Variants in CLEC4C observed in about 807,000 individuals in gnomAD.
The protein encoded by CLEC4C is C-type lectin domain family 4 member C.
Under a neutral mutation model 27.7 loss-of-function variants are expected in CLEC4C, and 17 were observed. The ratio of observed to expected loss-of-function variants is 0.61; its 90% confidence interval spans 0.42 to 0.92. The LOEUF is 0.92. Among genes scored for constraint, CLEC4C ranks in the 40% least tolerant of loss-of-function variants. The pLI is 0.00. For synonymous variants in CLEC4C, 80 were observed against 80.8 expected, an observed-to-expected ratio of 0.99 and a Z score of 0.06; for missense variants, 244 against 257.3, an observed-to-expected ratio of 0.95 and a Z score of 0.35.
intron 4 of CLEC4C, among the ~76,000 whole-genome samples, chr12:7,734,747 C>A (rs766777416): frequency 6.6e-6 from 1 of 151,876 alleles, no homozygotes; most frequent in East Asian, 2.0e-4. Context: ...AGGGTTTCGC[C>A]ATGTTGGCCA....
intron 2 of CLEC4C, among the ~76,000 whole-genome samples, 185 bp from the exon 3 acceptor site, chr12:7,741,716 C>T (rs1864860548): frequency 6.6e-6 from 1 of 151,838 alleles, no homozygotes; most frequent in African/African-American, 2.4e-5. Context: ...GGTGAAACCC[C>T]GTCTCCACCA....
chr12:7,731,510 A>G (rs183145448), intron 4 of CLEC4C, among the ~76,000 whole-genome samples: 1 of 152,258 alleles, frequency 6.6e-6, no homozygotes, highest in East Asian at 1.9e-4. Flanking sequence ...AATTCTTACA[A>G]TAGCCTTTAG....
chr12:7,747,162 A>G lies in CLEC4C; in HGVS notation c.31+156T>C, dbSNP rs758278992. 2.0e-4 allele frequency among the ~76,000 whole-genome samples: 31 copies of G among 152,120 alleles called. 1 individual carries two copies. Among genetic ancestry groups the G allele is most frequent in the Middle Eastern group, 3.4e-3 (1 of 294 alleles). ...TCTTTCATCTTTCCCTGATCCAAGT[A>G]TCTTGGGTCCATACCTGTTTCCATA... On this transcript the variant is annotated intron_variant, in intron 1 of 5. Coordinates refer to ENST00000360345, the MANE Select transcript of CLEC4C (RefSeq NM_001371390.1).
At chr12:7,747,632 C>CTTTTTTTT (rs201227947), upstream of CLEC4C, 4 of 88,436 alleles carry the variant, frequency 4.5e-5, no homozygotes, top group African/African-American at 9.0e-5. Context: ...GTCTGATTGT[C>CTTTTTTTT]TTTTTTTTTT....
chr12:7,742,520 A>G (rs1405672461), intron 2 of CLEC4C, among the ~76,000 whole-genome samples: 1 of 150,962 alleles, frequency 6.6e-6, no homozygotes, highest in Non-Finnish European at 1.5e-5. Flanking sequence ...CGAAAAAAAA[A>G]AAAAAAAGCC....
intron 4 of CLEC4C, among the ~76,000 whole-genome samples, chr12:7,737,000 G>C (rs763392164): frequency 2.0e-5 from 3 of 152,280 alleles, no homozygotes; most frequent in Admixed American, 2.0e-4. Context: ...AGAGGCCGAG[G>C]CAGGTGGATC....
In CLEC4C at chr12:7,729,553, G is replaced by T. The variant is rs186571058; in HGVS notation, c.*43C>A. 12 of 1,583,470 alleles carry T rather than the reference G, an allele frequency of 7.6e-6. No homozygotes were observed. The African/African-American group carries it at 1.2e-4, about 16-fold the overall frequency. ...AAAAATCAATTTAGCTTTCTACAAC[G>T]GTGGATGCCAACCCAAACACATTTC... On this transcript the variant is annotated 3_prime_UTR_variant, in exon 6 of 6. Coordinates refer to ENST00000360345, the MANE Select transcript of CLEC4C (RefSeq NM_001371390.1).
At chr12:7,738,631 TG>T (rs1292980778) in intron 3 of CLEC4C, among the ~76,000 whole-genome samples, 2 of 152,176 alleles carry the variant, frequency 1.3e-5, no homozygotes, top group East Asian at 3.9e-4. Context: ...CCCAAGTAGC[TG>T]GAACCACAGG....
chr12:7,737,290 G>A, intron 4 of CLEC4C, 139 bp downstream of exon 4: 1 of 689,500 alleles, frequency 1.5e-6, no homozygotes, highest in South Asian at 3.2e-5. Context: ...ATTTTCCTGT[G>A]TTTTTTGTTT....
intron 3 of CLEC4C, 23 bp downstream of exon 3, chr12:7,741,398 T>G (rs761661143): frequency 4.8e-6 from 6 of 1,250,126 alleles, no homozygotes; most frequent in Non-Finnish European, 7.1e-6. Flanking sequence ...AGGGAAGTCT[T>G]GTTGCCCATT....
At chr12:7,740,306 A>G (rs1864824117) in intron 3 of CLEC4C, among the ~76,000 whole-genome samples, 1 of 152,004 alleles carries the variant, frequency 6.6e-6, no homozygotes, top group African/African-American at 2.4e-5. Context: ...AATCCTGTGT[A>G]TATTTATTTT....
At chr12:7,741,294 ATAGT>A in intron 3 of CLEC4C, 123 bp downstream of exon 3, 1 of 631,754 alleles carries the variant, frequency 1.6e-6, no homozygotes, top group Non-Finnish European at 2.9e-6. Flanking sequence ...TACCAAGTAG[ATAGT>A]TAAAGAATGC....
intron 4 of CLEC4C, among the ~76,000 whole-genome samples, chr12:7,736,169 G>C (rs1397199920): frequency 1.3e-5 from 2 of 152,102 alleles, no homozygotes; most frequent in Non-Finnish European, 2.9e-5. Context: ...TGGAGTCCCA[G>C]TTACTCGGGA....
At chr12:7,733,975 C>T (rs988780885) in intron 4 of CLEC4C, among the ~76,000 whole-genome samples, 9 of 150,904 alleles carry the variant, frequency 6.0e-5, no homozygotes, top group African/African-American at 2.2e-4. Flanking sequence ...TCACTGCAAC[C>T]TCTACCTCCC....
intron 3 of CLEC4C, among the ~76,000 whole-genome samples, chr12:7,738,699 G>C (rs960246428): frequency 6.6e-6 from 1 of 152,022 alleles, no homozygotes; most frequent in Non-Finnish European, 1.5e-5. Flanking sequence ...ACAGAGTCTT[G>C]CTTCGTTGCC....
chr12:7,746,564 G>A lies in CLEC4C; in HGVS notation c.32-141C>T, dbSNP rs1282838542. ...AACAGAAAAAATGTGAAAGCAAAAA[G>A]AGATTATAGAAATTATCTCAGAACA... On this transcript the variant is annotated intron_variant, in intron 1 of 5. Coordinates refer to ENST00000360345, the MANE Select transcript of CLEC4C (RefSeq NM_001371390.1). 3.0e-5 allele frequency: 18 copies of A among 601,268 alleles called. No homozygotes were observed. The East Asian group carries it at 5.1e-4, about 17-fold the overall frequency. The allele number at this position is 601,268 out of a possible 1,614,324, so 37.2% of individuals were successfully genotyped here. A position where few individuals can be genotyped will look rare whatever the true frequency, so the allele number is the denominator to read the frequency against.
intron 2 of CLEC4C, 139 bp downstream of exon 2, chr12:7,746,192 C>A: frequency 1.8e-6 from 1 of 567,036 alleles, no homozygotes; most frequent in Non-Finnish European, 3.0e-6. Context: ...CCATCCTGGG[C>A]GACAGAGCGA....
intron 3 of CLEC4C, among the ~76,000 whole-genome samples, chr12:7,740,864 G>A (rs1007996653): frequency 4.1e-5 from 6 of 146,572 alleles, no homozygotes; most frequent in East Asian, 4.1e-4. Context: ...TTTTTGAGAC[G>A]GAGTCTCGCT....
upstream of CLEC4C, chr12:7,749,217 G>C (rs967550399): frequency 2.0e-5 from 3 of 152,358 alleles, no homozygotes; most frequent in Admixed American, 6.6e-5. Context: ...AAGAGGGTGA[G>C]GTGGCCCCTT....
Sources: allele counts gnomAD v4.1 joint callset (sites outside exome capture counted in the v4.1 genomes callset), GRCh38; gene constraint gnomAD v4.1.1; transcripts MANE v1.5; gene names NCBI Gene and HGNC (gene_info 2026-07-23, HGNC 2026-07-21).